PDE9A: variants seen among roughly 807,000 people sequenced by gnomAD.
The protein encoded by PDE9A is high affinity cGMP-specific 3',5'-cyclic phosphodiesterase 9A.
Under a neutral mutation model 87.4 loss-of-function variants are expected in PDE9A, and 60 were observed. The ratio of observed to expected loss-of-function variants is 0.69; its 90% CI spans 0.56 to 0.85. The LOEUF is 0.85. Among genes scored for constraint, PDE9A ranks in the 40% least tolerant of loss-of-function variants. The probability of loss-of-function intolerance (pLI) is 0.00; values close to 1 mark genes in which losing one functional copy is unlikely to be tolerated. For missense variants in PDE9A, 665 were observed against 779.0 expected (o/e 0.85, Z 1.74); for synonymous variants, 272 against 279.4 (o/e 0.97, Z 0.27).
chr21:42,766,152 A>T (rs576808065), intron 15 of PDE9A, among the ~76,000 whole-genome samples: 2 of 152,154 alleles, frequency 1.3e-5, no homozygotes, highest in Non-Finnish European at 2.9e-5. Context: ...AATATTAGCA[A>T]GACTCCATCT....
chr21:42,750,795 C>G (rs2054340239), intron 8 of PDE9A, among the ~76,000 whole-genome samples: 1 of 151,978 alleles, frequency 6.6e-6, no homozygotes, highest in Admixed American at 6.6e-5. Flanking sequence ...CCATGTTGGC[C>G]AGGATGGTCT....
intron 10 of PDE9A, chr21:42,757,359 C>G (rs2055185493): frequency 6.6e-6 from 1 of 152,266 alleles, no homozygotes; most frequent in African/African-American, 2.4e-5. Context: ...AACCCTCCGC[C>G]TCCTTCAGAG....
At chr21:42,713,504 G>A (rs1266882866) in intron 4 of PDE9A, among the ~76,000 whole-genome samples, 2 of 152,202 alleles carry the variant, frequency 1.3e-5, no homozygotes, top group East Asian at 1.9e-4. Flanking sequence ...GCTTAAATGG[G>A]ATATTGATTT....
intron 9 of PDE9A, among the ~76,000 whole-genome samples, chr21:42,751,431 G>A (rs771725854): frequency 6.6e-6 from 1 of 152,230 alleles, no homozygotes; most frequent in Non-Finnish European, 1.5e-5. Flanking sequence ...TAACAGCTCC[G>A]TGCTGCTGTC....
intron 15 of PDE9A, among the ~76,000 whole-genome samples, chr21:42,767,230 G>A (rs73905767): frequency 0.049 from 7,455 of 152,252 alleles, 608 homozygotes; most frequent in African/African-American, 0.17. Context: ...GCGGGCCAGC[G>A]TGGGAGGTGT....
intron 1 of PDE9A, among the ~76,000 whole-genome samples, chr21:42,656,656 G>A (rs2145771604): frequency 6.6e-6 from 1 of 152,280 alleles, no homozygotes. Flanking sequence ...TCACCAGAGT[G>A]ACACAGTGGG....
At chr21:42,687,102 C>A (rs754745258) in intron 2 of PDE9A, among the ~76,000 whole-genome samples, 1 of 152,230 alleles carries the variant, frequency 6.6e-6, no homozygotes, top group Non-Finnish European at 1.5e-5. Flanking sequence ...TAATTATCAG[C>A]AAACTTTCCA....
chr21:42,703,243 G>C (rs1669562963), intron 4 of PDE9A, among the ~76,000 whole-genome samples: 1 of 152,240 alleles, frequency 6.6e-6, no homozygotes, highest in East Asian at 1.9e-4. Context: ...ATGAGGAGCA[G>C]GCAGAGTCAG....
chr21:42,715,756 T>C (rs906029948), intron 4 of PDE9A, among the ~76,000 whole-genome samples: 1 of 151,784 alleles, frequency 6.6e-6, no homozygotes, highest in Non-Finnish European at 1.5e-5. Context: ...GACAAATATA[T>C]GATGACCTGT....
chr21:42,740,595 ATGGATGGATGG>A (rs2146847273), intron 7 of PDE9A, among the ~76,000 whole-genome samples: 1 of 47,630 alleles, frequency 2.1e-5, no homozygotes, highest in East Asian at 6.2e-4. Flanking sequence ...GGATGGATGG[ATGGATGGATGG>A]ATGGATGGAT....
At chr21:42,676,807 T>A (rs1340729395) in intron 1 of PDE9A, among the ~76,000 whole-genome samples, 1 of 152,200 alleles carries the variant, frequency 6.6e-6, no homozygotes, top group Non-Finnish European at 1.5e-5. Context: ...CCTCCTTATT[T>A]TGGTTGGGGA....
rs370952691 is a variant in PDE9A at position 42,760,324 on chromosome 21, G to A, written c.898-4G>A. 3.5e-5 allele frequency: 56 copies of A among 1,586,050 alleles called. No individual in the cohort carries two copies. Among genetic ancestry groups the A allele is most frequent in the Admixed American group, 1.2e-4 (7 of 59,942 alleles). ...GGGTGACTCGGACCCCCTGCCTCCC[G>A]CAGTTCTGCGTCCACGACAACTACA... On this transcript the variant is annotated splice_region_variant and splice_polypyrimidine_tract_variant and intron_variant, in intron 11 of 19. Coordinates refer to ENST00000291539, the MANE Select transcript of PDE9A (RefSeq NM_002606.3). This position sits in a 1 kb window ranked among gnomAD's most constrained non-coding sequence, Gnocchi z 5.2.
Position 42,760,138 on chromosome 21 carries a change from G to A in PDE9A, c.898-190G>A, listed in dbSNP as rs913062877. On this transcript the variant is annotated intron_variant, in intron 11 of 19. Transcript: ENST00000291539. This position sits in a 1 kb window ranked among gnomAD's most constrained non-coding sequence, Gnocchi z 5.2. Reference sequence around the variant, plus strand: ...TGCCCCGGGTGCCGTGGTGTGGCCCGCTGGACGTTCTCAGGGTCCCTGTGT... The same window carrying A: ...TGCCCCGGGTGCCGTGGTGTGGCCCACTGGACGTTCTCAGGGTCCCTGTGT... 3.3e-5 allele frequency among the ~76,000 whole-genome samples: 5 copies of A among 152,078 alleles called. No individual in the cohort carries two copies. The highest frequency in any genetic ancestry group is 5.9e-5 in the Non-Finnish European group (4 of 67,994).
intron 1 of PDE9A, among the ~76,000 whole-genome samples, chr21:42,670,127 G>T (rs1358956813): frequency 6.7e-6 from 1 of 149,970 alleles, no homozygotes; most frequent in Admixed American, 6.6e-5. Flanking sequence ...ACATTCACAG[G>T]CTCACACATG....
intron 4 of PDE9A, among the ~76,000 whole-genome samples, chr21:42,709,388 A>G (rs2146438864): frequency 6.6e-6 from 1 of 152,332 alleles, no homozygotes; most frequent in African/African-American, 2.4e-5. Context: ...AGGTGCAGCA[A>G]ACCACCATGA....
intron 8 of PDE9A, among the ~76,000 whole-genome samples, chr21:42,747,378 A>C (rs1418649651): frequency 6.6e-6 from 1 of 152,104 alleles, no homozygotes; most frequent in Non-Finnish European, 1.5e-5. Context: ...TGCCTCTGGG[A>C]AGAGAATAAA....
chr21:42,660,425 T>A lies in PDE9A; in HGVS notation c.69+6542T>A, dbSNP rs2057394412. 6.6e-6 allele frequency among the ~76,000 whole-genome samples: 1 copy of A among 152,086 alleles called. No homozygotes were observed. Among genetic ancestry groups the A allele is most frequent in the African/African-American group, 2.4e-5 (1 of 41,394 alleles). On this transcript the variant is annotated intron_variant, in intron 1 of 19. Coordinates refer to ENST00000291539, the MANE Select transcript of PDE9A (RefSeq NM_002606.3). This position sits in a 1 kb window ranked among gnomAD's most constrained non-coding sequence, Gnocchi z 4.7. ...TGTGGAGGTTGAGACCAAGGCCAGT[T>A]GGGTGCTTGCATTTCCAGGGGTCCA... is the stretch of plus-strand genomic sequence containing the variant.
chr21:42,661,733 A>C (rs1201774086), intron 1 of PDE9A, among the ~76,000 whole-genome samples: 5 of 152,086 alleles, frequency 3.3e-5, no homozygotes, highest in African/African-American at 1.2e-4. Context: ...TGATGGGTTT[A>C]TTGTTGCATC....
In PDE9A at chr21:42,653,757, C is replaced by A; in HGVS notation, c.-58C>A. The A allele has an allele frequency of 9.4e-7, 1 of 1,063,370 alleles. No homozygotes were observed. Among genetic ancestry groups the A allele is most frequent in the Non-Finnish European group, 1.3e-6 (1 of 747,976 alleles). 65.9% of individuals were successfully genotyped at this position (1,063,370 alleles called of 1,614,324 possible). A position where few individuals can be genotyped will look rare whatever the true frequency, so the allele number is the denominator to read the frequency against. On this transcript the variant is annotated 5_prime_UTR_variant, in exon 1 of 20. Coordinates refer to ENST00000291539, the MANE Select transcript of PDE9A (RefSeq NM_002606.3). ...CCCTGCTCCCCTCCCCCGCCTCCCG[C>A]GGCGGCTGGCGTCGGGAAAGTACAG...
Sources: gnomAD v4.1 joint callset for allele counts (sites outside exome capture counted in the v4.1 genomes callset) on GRCh38, gnomAD v4.1.1 for gene constraint, Gnocchi (gnomAD v3.1) non-coding constraint, MANE v1.5 for transcripts, NCBI Gene and HGNC (gene_info 2026-07-23, HGNC 2026-07-21) for gene names.